Variants in EBF1 observed in about 807,000 individuals in gnomAD.
The protein encoded by EBF1 is transcription factor COE1.
In EBF1, 10 loss-of-function variants were observed where a neutral mutation model predicts 68.4. The ratio of observed to expected loss-of-function variants is 0.15; its 90% CI spans 0.09 to 0.25. EBF1 has a LOEUF of 0.25. Ranked by LOEUF, EBF1 falls within the 10% of genes least tolerant of loss-of-function variation. EBF1 has a pLI of 1.00. For missense variants in EBF1, 509 were observed against 794.4 expected (o/e 0.64, Z 4.32); for synonymous variants, 298 against 299.8 (o/e 0.99, Z 0.06).
intron 7 of EBF1, 55 bp downstream of exon 7, chr5:158,839,974 C>A: frequency 6.4e-7 from 1 of 1,551,612 alleles, no homozygotes; most frequent in Non-Finnish European, 8.9e-7. Flanking sequence ...ACTTTTTTAT[C>A]CTCTCCTGAT....
chr5:158,779,801 A>G (rs933912665), intron 9 of EBF1, among the ~76,000 whole-genome samples: 1 of 152,212 alleles, frequency 6.6e-6, no homozygotes, highest in African/African-American at 2.4e-5. Context: ...GGCTTTATAA[A>G]TTGATTAGAT....
At chr5:158,782,951 A>G (rs1017054468) in intron 9 of EBF1, among the ~76,000 whole-genome samples, 6 of 152,088 alleles carry the variant, frequency 3.9e-5, no homozygotes, top group Non-Finnish European at 7.4e-5. Context: ...CACTGCTTGT[A>G]TATCATGTAA....
intron 6 of EBF1, among the ~76,000 whole-genome samples, chr5:158,894,170 C>T (rs2127250285): frequency 6.6e-6 from 1 of 152,256 alleles, no homozygotes; most frequent in East Asian, 1.9e-4. Context: ...TCCCAGCAAA[C>T]ATGGCAGAGT....
chr5:158,798,803 C>T (rs1780045023), intron 8 of EBF1, among the ~76,000 whole-genome samples: 1 of 152,088 alleles, frequency 6.6e-6, no homozygotes, highest in East Asian at 1.9e-4. Context: ...TATTTGACAC[C>T]ATTGTCTTAG....
chr5:158,840,677 T>G (rs7700429), intron 6 of EBF1, among the ~76,000 whole-genome samples: 9 of 105,068 alleles, frequency 8.6e-5, no homozygotes, highest in African/African-American at 2.2e-4. Flanking sequence ...TTTTTTGTTT[T>G]TTTTTTTTTT....
rs768269936 is a variant in EBF1, at chr5:159,096,336, G to C, written c.355+7C>G. The C allele has an allele frequency of 6.2e-7, 1 of 1,612,838 alleles. No homozygotes were observed. Among genetic ancestry groups the C allele is most frequent in the Non-Finnish European group, 8.5e-7 (1 of 1,179,558 alleles). On this transcript the variant is annotated splice_region_variant and intron_variant, in intron 3 of 15. Coordinates refer to ENST00000313708, the MANE Select transcript of EBF1 (RefSeq NM_024007.5). ...GGGTGAGGCCATAGACCCGACCCGGGCCTCACCATTGCTGTAGAGAAGCTG... is the reference window on the plus strand; with the variant it reads ...GGGTGAGGCCATAGACCCGACCCGGCCCTCACCATTGCTGTAGAGAAGCTG...
intron 6 of EBF1, among the ~76,000 whole-genome samples, chr5:158,917,592 G>A (rs542075445): frequency 2.6e-5 from 4 of 152,280 alleles, no homozygotes; most frequent in South Asian, 2.1e-4. Flanking sequence ...AAGAAAAACC[G>A]TAAGTGGCAC....
intron 6 of EBF1, among the ~76,000 whole-genome samples, chr5:158,901,668 G>A (rs1803372149): frequency 6.6e-6 from 1 of 152,186 alleles, no homozygotes; most frequent in Non-Finnish European, 1.5e-5. Flanking sequence ...GTATATGCTA[G>A]GCATATGTTA....
chr5:158,896,053 A>G (rs1050973718), intron 6 of EBF1, among the ~76,000 whole-genome samples: 4 of 152,208 alleles, frequency 2.6e-5, no homozygotes, highest in South Asian at 2.1e-4. Flanking sequence ...CAGGTTGAAC[A>G]AGGAAAGGTT....
intron 6 of EBF1, among the ~76,000 whole-genome samples, chr5:158,936,450 A>G (rs1812036108): frequency 6.6e-6 from 1 of 152,190 alleles, no homozygotes; most frequent in South Asian, 2.1e-4. Context: ...CTAAAGTTGT[A>G]AAGACTAAAT....
chr5:159,046,096 C>A (rs1040819743), intron 6 of EBF1, among the ~76,000 whole-genome samples: 1 of 152,170 alleles, frequency 6.6e-6, no homozygotes, highest in Non-Finnish European at 1.5e-5. Flanking sequence ...TCCGTATATT[C>A]CTCCAAGTCT....
chr5:158,920,576 TTTC>T (rs1195028902), intron 6 of EBF1, among the ~76,000 whole-genome samples: 1 of 152,076 alleles, frequency 6.6e-6, no homozygotes, highest in African/African-American at 2.4e-5. Context: ...GGAACTTTTC[TTTC>T]TTCTTTTTTT....
intron 6 of EBF1, among the ~76,000 whole-genome samples, chr5:158,847,406 A>G (rs1345753601): frequency 6.6e-6 from 1 of 152,224 alleles, no homozygotes; most frequent in East Asian, 1.9e-4. Context: ...CCAGTTGCCA[A>G]TGGGGAAAGA....
At chr5:158,994,473 G>A (rs1345226459) in intron 6 of EBF1, among the ~76,000 whole-genome samples, 2 of 152,178 alleles carry the variant, frequency 1.3e-5, no homozygotes, top group Non-Finnish European at 2.9e-5. Context: ...CACAACATAA[G>A]CAAGAGTGAC....
chr5:158,882,237 C>G (rs1423259471), intron 6 of EBF1, among the ~76,000 whole-genome samples: 1 of 152,188 alleles, frequency 6.6e-6, no homozygotes, highest in East Asian at 1.9e-4. Context: ...GCTTGGCTTT[C>G]ACTTAACACC....
intron 6 of EBF1, among the ~76,000 whole-genome samples, chr5:158,907,761 A>T (rs1389752220): frequency 9.0e-6 from 1 of 111,476 alleles, no homozygotes; most frequent in Admixed American, 8.0e-5. Context: ...TCAACAATAT[A>T]AAAAAAAAAC....
chr5:158,983,502 C>A (rs965967904), intron 6 of EBF1: 1 of 152,112 alleles, frequency 6.6e-6, no homozygotes, highest in South Asian at 2.1e-4. Context: ...TAGGACAAAC[C>A]TGAACTAATT....
chr5:158,789,818 A>T (rs968116362), intron 9 of EBF1, among the ~76,000 whole-genome samples: 3 of 152,186 alleles, frequency 2.0e-5, no homozygotes, highest in Non-Finnish European at 4.4e-5. Context: ...ATCTTAGTCA[A>T]CCACTCTTGA....
chr5:158,973,520 C>A (rs6556380), intron 6 of EBF1, among the ~76,000 whole-genome samples: 21 of 152,068 alleles, frequency 1.4e-4, no homozygotes, highest in African/African-American at 5.1e-4. Context: ...CAGCAAATCA[C>A]CCAGATATTT....
Sources: gnomAD v4.1 joint callset for allele counts (sites outside exome capture counted in the v4.1 genomes callset) on GRCh38, gnomAD v4.1.1 for gene constraint, MANE v1.5 for transcripts, NCBI Gene and HGNC (gene_info 2026-07-23, HGNC 2026-07-21) for gene names.